MAF: variants seen among roughly 807,000 people sequenced by gnomAD.
The protein encoded by MAF is transcription factor Maf.
Under a neutral mutation model 22.0 loss-of-function variants are expected in MAF, and 10 were observed. The ratio of observed to expected loss-of-function variants is 0.45; its 90% confidence interval spans 0.28 to 0.77. The LOEUF is 0.77. MAF is among the 30% of genes least tolerant of loss of function. The pLI, the probability that MAF is intolerant of heterozygous loss-of-function variation, is 0.12. For synonymous variants in MAF, 337 were observed against 255.8 expected (o/e 1.32, Z -3.03); for missense variants, 544 against 548.4 (o/e 0.99, Z 0.08).
the MAF span, among the ~76,000 whole-genome samples, chr16:79,399,074 T>A: frequency 6.6e-6 from 1 of 152,226 alleles, no homozygotes; most frequent in Non-Finnish European, 1.5e-5. Context: ...AGACAAGGAC[T>A]GACCTGGTCA....
chr16:79,254,189 A>G, the MAF span, among the ~76,000 whole-genome samples: 3 of 152,086 alleles, frequency 2.0e-5, no homozygotes, highest in East Asian at 5.8e-4. Flanking sequence ...ATTATTCAAC[A>G]TTTTCGAATA....
the MAF span, among the ~76,000 whole-genome samples, chr16:79,505,288 G>A: frequency 6.6e-6 from 1 of 152,124 alleles, no homozygotes; most frequent in Non-Finnish European, 1.5e-5. Flanking sequence ...TTCATTCCCT[G>A]CCCCAGTGTT....
At chr16:79,545,662 A>G in the MAF span, among the ~76,000 whole-genome samples, 1 of 152,172 alleles carries the variant, frequency 6.6e-6, no homozygotes, top group Non-Finnish European at 1.5e-5. Context: ...CAATACTAAA[A>G]TTCAAAGTAT....
At chr16:79,524,363 G>T in the MAF span, among the ~76,000 whole-genome samples, 1 of 152,184 alleles carries the variant, frequency 6.6e-6, no homozygotes, top group African/African-American at 2.4e-5. Context: ...GGACTTTGAG[G>T]CTGGGTTTTG....
the MAF span, among the ~76,000 whole-genome samples, chr16:79,538,407 C>A: frequency 1.3e-5 from 2 of 152,044 alleles, no homozygotes; most frequent in African/African-American, 4.8e-5. Context: ...CAAATAAATT[C>A]TAAATGCACT....
chr16:79,211,951 C>CCAAT, the MAF span: 1 of 1,536,706 alleles, frequency 6.5e-7, no homozygotes, highest in Non-Finnish European at 8.7e-7. Flanking sequence ...ATCTTAAGTA[C>CCAAT]CAATGGGAAG....
At chr16:79,324,778 C>G in the MAF span, among the ~76,000 whole-genome samples, 9 of 152,202 alleles carry the variant, frequency 5.9e-5, no homozygotes, top group East Asian at 1.9e-4. Context: ...TCTGCAGTTT[C>G]TATTACAAAT....
At chr16:79,463,454 T>C in the MAF span, among the ~76,000 whole-genome samples, 1 of 152,196 alleles carries the variant, frequency 6.6e-6, no homozygotes, top group Non-Finnish European at 1.5e-5. Context: ...GATTTTAAAA[T>C]TCCATGTCTC....
chr16:79,521,928 G>C, the MAF span, among the ~76,000 whole-genome samples: 3 of 152,114 alleles, frequency 2.0e-5, no homozygotes, highest in Non-Finnish European at 4.4e-5. Context: ...GGGAAATAAA[G>C]ATAAATAATA....
chr16:79,552,533 G>C, the MAF span, among the ~76,000 whole-genome samples: 5 of 152,032 alleles, frequency 3.3e-5, no homozygotes, highest in Admixed American at 3.3e-4. Context: ...TCCATCTCTG[G>C]CTACTAAGAG....
At chr16:79,369,114 A>T in the MAF span, among the ~76,000 whole-genome samples, 2 of 152,240 alleles carry the variant, frequency 1.3e-5, no homozygotes, top group Non-Finnish European at 2.9e-5. Flanking sequence ...CTTTCATTTA[A>T]GCCTCACTAT....
At chr16:79,235,389 G>C in the MAF span, among the ~76,000 whole-genome samples, 7 of 151,640 alleles carry the variant, frequency 4.6e-5, no homozygotes, top group Admixed American at 4.6e-4. Flanking sequence ...ACCATCCCTA[G>C]AAAAAATAAA....
chr16:79,449,411 A>T, the MAF span, among the ~76,000 whole-genome samples: 15 of 152,308 alleles, frequency 9.8e-5, no homozygotes, highest in Non-Finnish European at 2.2e-4. Context: ...TATTTGCTTT[A>T]TTGTGGTGGT....
At chr16:79,360,250 T>C in the MAF span, among the ~76,000 whole-genome samples, 28 of 152,196 alleles carry the variant, frequency 1.8e-4, no homozygotes, top group Admixed American at 6.5e-4. Context: ...CCCTCTGTCC[T>C]GCCTCATGTT....
At chr16:79,235,766 T>A in the MAF span, among the ~76,000 whole-genome samples, 146 of 152,120 alleles carry the variant, frequency 9.6e-4, no homozygotes, top group African/African-American at 3.5e-3. Flanking sequence ...GTATTAAAAA[T>A]AATGGTGAAA....
chr16:79,359,754 G>A, the MAF span, among the ~76,000 whole-genome samples: 1 of 152,160 alleles, frequency 6.6e-6, no homozygotes, highest in African/African-American at 2.4e-5. Flanking sequence ...TGCAGAGTAG[G>A]ACCACACCAA....
chr16:79,483,520 G>A, the MAF span, among the ~76,000 whole-genome samples: 2 of 151,764 alleles, frequency 1.3e-5, no homozygotes, highest in African/African-American at 2.4e-5. Flanking sequence ...AGTGCTAAGA[G>A]GAAGAGGTGC....
chr16:79,535,541 G>A, the MAF span, among the ~76,000 whole-genome samples: 1 of 149,118 alleles, frequency 6.7e-6, no homozygotes, highest in Non-Finnish European at 1.5e-5. Flanking sequence ...TCTATAATAT[G>A]CATTATTCAT....
intron 1 of MAF, among the ~76,000 whole-genome samples, chr16:79,588,453 A>G (rs1307309497): frequency 1.3e-5 from 2 of 151,352 alleles, no homozygotes; most frequent in African/African-American, 4.9e-5. Context: ...CTTTTTTTTT[A>G]AGATACAGTC....
Sources: allele counts gnomAD v4.1 joint callset (sites outside exome capture counted in the v4.1 genomes callset), GRCh38; gene constraint gnomAD v4.1.1; transcripts MANE v1.5; gene names NCBI Gene and HGNC (gene_info 2026-07-23, HGNC 2026-07-21).